SNTB1: variants seen among roughly 807,000 people sequenced by gnomAD.
SNTB1 encodes the protein beta-1-syntrophin.
In SNTB1, 36 loss-of-function variants were observed where a neutral mutation model predicts 48.9. The observed-to-expected ratio is 0.74, with a 90% confidence interval of 0.56 to 0.97. The LOEUF (loss-of-function observed/expected upper bound fraction) is 0.97, where lower values mean the gene tolerates loss of function less well. Ranked by LOEUF, SNTB1 falls within the 50% of genes least tolerant of loss-of-function variation. The pLI is 0.00. For synonymous variants in SNTB1, 299 were observed against 294.6 expected (o/e 1.01, Z -0.15); for missense variants, 786 against 703.4 (o/e 1.12, Z -1.33).
intron 2 of SNTB1, among the ~76,000 whole-genome samples, chr8:120,644,945 G>C (rs1587058214): frequency 6.6e-6 from 1 of 151,902 alleles, no homozygotes; most frequent in Non-Finnish European, 1.5e-5. Flanking sequence ...GTGTTTTTTG[G>C]CTGCATGAAT....
At chr8:120,717,699 G>A (rs760413603) in intron 1 of SNTB1, among the ~76,000 whole-genome samples, 2 of 152,130 alleles carry the variant, frequency 1.3e-5, no homozygotes, top group Non-Finnish European at 2.9e-5. Context: ...CAAGAATGAT[G>A]TGCAGAGTGG....
intron 1 of SNTB1, among the ~76,000 whole-genome samples, chr8:120,715,562 A>T: frequency 6.6e-6 from 1 of 152,208 alleles, no homozygotes; most frequent in East Asian, 1.9e-4. Context: ...AATAAATAAA[A>T]GAGGATGCCT....
chr8:120,751,702 CT>C (rs1819218046), intron 1 of SNTB1, among the ~76,000 whole-genome samples: 1 of 152,080 alleles, frequency 6.6e-6, no homozygotes, highest in Admixed American at 6.6e-5. Flanking sequence ...CTAGTTATAT[CT>C]TCTCGAGTCA....
intron 2 of SNTB1, among the ~76,000 whole-genome samples, chr8:120,640,169 GCTCT>G (rs1263902046): frequency 6.6e-6 from 1 of 151,682 alleles, no homozygotes; most frequent in East Asian, 1.9e-4. Flanking sequence ...TCATGATTTG[GCTCT>G]CTGTTTGTCT....
intron 1 of SNTB1, among the ~76,000 whole-genome samples, chr8:120,764,223 T>C (rs914747622): frequency 6.6e-5 from 10 of 152,182 alleles, no homozygotes; most frequent in African/African-American, 2.4e-4. Context: ...GAATAAATAA[T>C]GGTATATCCA....
intron 3 of SNTB1, among the ~76,000 whole-genome samples, chr8:120,596,046 T>C (rs560781751): frequency 7.0e-4 from 107 of 152,300 alleles, no homozygotes; most frequent in Non-Finnish European, 1.2e-3. Context: ...TTCAATGACA[T>C]ACGTTCAATG....
chr8:120,569,511 C>G (rs921381163), intron 4 of SNTB1, among the ~76,000 whole-genome samples: 2 of 152,324 alleles, frequency 1.3e-5, no homozygotes, highest in Admixed American at 1.3e-4. Context: ...TGGGCCTTTG[C>G]TTTTAAGGAA....
At chr8:120,757,112 A>G (rs1375356732) in intron 1 of SNTB1, among the ~76,000 whole-genome samples, 1 of 152,228 alleles carries the variant, frequency 6.6e-6, no homozygotes, top group Non-Finnish European at 1.5e-5. Context: ...GACTGTGCAT[A>G]ACTAATCCCT....
At chr8:120,565,567 A>G (rs940351671) in intron 4 of SNTB1, among the ~76,000 whole-genome samples, 2 of 152,230 alleles carry the variant, frequency 1.3e-5, no homozygotes, top group Non-Finnish European at 2.9e-5. Flanking sequence ...TACCAGGGAA[A>G]ATGCTAGAAG....
intron 1 of SNTB1, among the ~76,000 whole-genome samples, chr8:120,761,680 C>G (rs957991159): frequency 6.6e-6 from 1 of 152,266 alleles, no homozygotes; most frequent in Middle Eastern, 3.4e-3. Context: ...TCTTCCGCAC[C>G]TTGACCATAT....
At chr8:120,636,875 A>G (rs199972713) in intron 2 of SNTB1, 1 of 232,316 alleles carries the variant, frequency 4.3e-6, no homozygotes, top group African/African-American at 2.3e-5. Context: ...TAAAAGTAGA[A>G]CTCAAGGCTT....
At chr8:120,704,994 A>G (rs1036218949) in intron 1 of SNTB1, among the ~76,000 whole-genome samples, 1 of 152,240 alleles carries the variant, frequency 6.6e-6, no homozygotes, top group African/African-American at 2.4e-5. Context: ...TGATAGAAGT[A>G]TGCCGTTCAG....
intron 1 of SNTB1, 78 bp downstream of exon 1, chr8:120,811,195 G>T: frequency 6.6e-7 from 1 of 1,512,088 alleles, no homozygotes; most frequent in Non-Finnish European, 8.8e-7. Flanking sequence ...CCGAGTGAGT[G>T]TGAGTGTGAG....
chr8:120,772,607 G>C (rs1184473263), intron 1 of SNTB1, among the ~76,000 whole-genome samples: 1 of 152,128 alleles, frequency 6.6e-6, no homozygotes, highest in African/African-American at 2.4e-5. Context: ...ACAAGCAAAG[G>C]AGGAGGATAA....
intron 3 of SNTB1, among the ~76,000 whole-genome samples, chr8:120,603,825 A>G (rs1816465691): frequency 6.6e-6 from 1 of 152,206 alleles, no homozygotes; most frequent in South Asian, 2.1e-4. Flanking sequence ...TTCACTAATC[A>G]ATCTTGGGAG....
intron 4 of SNTB1, among the ~76,000 whole-genome samples, chr8:120,562,951 A>G (rs1815686682): frequency 6.6e-6 from 1 of 152,230 alleles, no homozygotes; most frequent in East Asian, 1.9e-4. Flanking sequence ...CATCAGGTTT[A>G]GCAGAAATAT....
chr8:120,637,172 G>C, intron 2 of SNTB1: 1 of 319,148 alleles, frequency 3.1e-6, no homozygotes, highest in South Asian at 4.0e-5. Flanking sequence ...CAAACATGGG[G>C]GAGAGCATGC....
At chr8:120,722,536 A>C (rs1383326817) in intron 1 of SNTB1, among the ~76,000 whole-genome samples, 1 of 152,150 alleles carries the variant, frequency 6.6e-6, no homozygotes, top group African/African-American at 2.4e-5. Context: ...CGGCTGCATA[A>C]ATGTCTTCTT....
At chr8:120,597,733 T>C (rs964435171) in intron 3 of SNTB1, among the ~76,000 whole-genome samples, 2 of 152,226 alleles carry the variant, frequency 1.3e-5, no homozygotes, top group South Asian at 2.1e-4. Context: ...GATCTGTGCA[T>C]TGCAGACTGA....
Sources: allele counts gnomAD v4.1 joint callset (sites outside exome capture counted in the v4.1 genomes callset), GRCh38; gene constraint gnomAD v4.1.1; transcripts MANE v1.5; gene names NCBI Gene and HGNC (gene_info 2026-07-23, HGNC 2026-07-21).